Variants in LRP6 observed in about 807,000 individuals in gnomAD.
LRP6 encodes LDL receptor related protein 6, also known as low-density lipoprotein receptor-related protein 6.
A neutral mutation model predicts 184.1 loss-of-function variants in LRP6; 43 were observed. That is an observed-to-expected ratio of 0.23 (90% CI 0.18 to 0.30). The LOEUF (loss-of-function observed/expected upper bound fraction) is 0.30, where lower values mean the gene tolerates loss of function less well. Among genes scored for constraint, LRP6 ranks in the 10% least tolerant of loss-of-function variants. The pLI, the probability that LRP6 is intolerant of heterozygous loss-of-function variation, is 1.00. For missense variants in LRP6, 1,571 were observed against 2,005.3 expected (o/e 0.78, Z 4.14); for synonymous variants, 719 against 684.9 (o/e 1.05, Z -0.78).
intron 2 of LRP6, among the ~76,000 whole-genome samples, chr12:12,206,405 T>C (rs1378625256): frequency 6.6e-6 from 1 of 151,726 alleles, no homozygotes; most frequent in Non-Finnish European, 1.5e-5. Context: ...TAGCCAGGCG[T>C]GGTGGCAGAT....
chr12:12,142,448 T>C (rs1949947010), intron 15 of LRP6, among the ~76,000 whole-genome samples: 1 of 152,138 alleles, frequency 6.6e-6, no homozygotes, highest in Non-Finnish European at 1.5e-5. Flanking sequence ...AAACTAAGCA[T>C]GCACTGGATG....
At chr12:12,130,459 T>G (rs1295081502) in intron 19 of LRP6, among the ~76,000 whole-genome samples, 1 of 152,236 alleles carries the variant, frequency 6.6e-6, no homozygotes, top group Non-Finnish European at 1.5e-5. Context: ...GTGCTGGGAT[T>G]ACAGGTGTGA....
chr12:12,155,590 C>T, intron 12 of LRP6: 2 of 757,088 alleles, frequency 2.6e-6, no homozygotes, highest in Non-Finnish European at 2.4e-6. Context: ...AGGAAGCTAT[C>T]AGAAAATGGA....
intron 2 of LRP6, among the ~76,000 whole-genome samples, chr12:12,220,046 G>A (rs893222529): frequency 6.6e-6 from 1 of 152,170 alleles, no homozygotes; most frequent in Non-Finnish European, 1.5e-5. Flanking sequence ...CACCACTTTA[G>A]GAGGCTGAGG....
chr12:12,241,406 T>C (rs1289295487), intron 2 of LRP6, among the ~76,000 whole-genome samples: 1 of 152,234 alleles, frequency 6.6e-6, no homozygotes, highest in Non-Finnish European at 1.5e-5. Flanking sequence ...TCTAAGATCA[T>C]TAACACTGAA....
intron 2 of LRP6, among the ~76,000 whole-genome samples, chr12:12,209,836 T>C (rs1458665576): frequency 6.6e-6 from 1 of 152,118 alleles, no homozygotes; most frequent in Non-Finnish European, 1.5e-5. Flanking sequence ...ATTCGCAATG[T>C]AGACAAGGAG....
chr12:12,119,990 AATATATATATATATATATATATAT>A lies in LRP6; in HGVS notation c.*1112_*1135del, dbSNP rs550587604. 6.9e-3 allele frequency: 314 copies of A among 45,532 alleles called. 13 individuals are homozygous for A. The highest frequency in any genetic ancestry group is 0.031 in the South Asian group (30 of 982). The allele number at this position is 45,532 out of a possible 1,614,324, so 2.8% of individuals were successfully genotyped here. ...ACTCAGAAAACAAACAAACAAACAA[AATATATATATATATATATATATAT>A]ATATATATATATATATATATATATA... is the stretch of plus-strand genomic sequence containing the variant. On this transcript the variant is annotated 3_prime_UTR_variant, in exon 23 of 23. Transcript: ENST00000261349.
Position 12,244,633 on chromosome 12 carries a change from T to G in LRP6, c.78A>C (p.Ala26=). 1 of 1,614,088 alleles carries G rather than the reference T, an allele frequency of 6.2e-7. No individual in the cohort carries two copies. The highest frequency in any genetic ancestry group is 8.5e-7 in the Non-Finnish European group (1 of 1,180,020). The change falls in exon 2 of 23, where the codon GCA becomes GCC. Residue 26 remains alanine, a synonymous_variant. Coordinates refer to ENST00000261349, the MANE Select transcript of LRP6 (RefSeq NM_002336.3). The part of the protein sequence containing the change: ...LLRAAPLLLY[A]NRRDLRLVDA... ...CAACCAATCGCAAGTCCCGTCTGTT[T>G]GCATAAAGCAACAAAGGGGCCGCTA...
chr12:12,232,787 A>G (rs541872894), intron 2 of LRP6, among the ~76,000 whole-genome samples: 1 of 152,346 alleles, frequency 6.6e-6, no homozygotes, highest in South Asian at 2.1e-4. Context: ...AAAATAATCA[A>G]TAGATGAGTG....
intron 15 of LRP6, among the ~76,000 whole-genome samples, chr12:12,146,559 ATAATT>A (rs1462879609): frequency 6.6e-6 from 1 of 152,250 alleles, no homozygotes; most frequent in African/African-American, 2.4e-5. Context: ...AGACGAACAA[ATAATT>A]TAATTTGGTT....
intron 2 of LRP6, among the ~76,000 whole-genome samples, chr12:12,211,684 T>C (rs1864215169): frequency 6.6e-6 from 1 of 152,188 alleles, no homozygotes; most frequent in Non-Finnish European, 1.5e-5. Context: ...CTGGTTGCCC[T>C]GGAGAAAATA....
rs188529505 is a variant in LRP6 at position 12,166,800 on chromosome 12, T to G, written c.1546-1505A>C. On this transcript the variant is annotated intron_variant, in intron 7 of 22. Transcript: ENST00000261349. ...TAAACAAAAGATGGATGATTAAGTATGAATTAGGAAAATGAGGCTGGGTAT... is the reference window on the plus strand; with the variant it reads ...TAAACAAAAGATGGATGATTAAGTAGGAATTAGGAAAATGAGGCTGGGTAT... Among the ~76,000 whole-genome samples, 364 of 152,364 alleles carry G rather than the reference T, an allele frequency of 2.4e-3. 1 individual carries two copies. Among genetic ancestry groups the G allele is most frequent in the African/African-American group, 8.5e-3 (353 of 41,588 alleles).
chr12:12,239,667 C>CA (rs1865010874), intron 2 of LRP6, among the ~76,000 whole-genome samples: 1 of 143,824 alleles, frequency 7.0e-6, no homozygotes, highest in Non-Finnish European at 1.5e-5. Context: ...TATTCTTTTT[C>CA]TTTTTTTTTT....
At chr12:12,164,141 A>G (rs1252618362) in intron 9 of LRP6, 132 bp downstream of exon 9, 2 of 831,988 alleles carry the variant, frequency 2.4e-6, no homozygotes, top group South Asian at 3.4e-5. Flanking sequence ...AAAAAAAAAA[A>G]AAAACTTGAG....
chr12:12,153,257 G>A (rs1591891889), intron 12 of LRP6, among the ~76,000 whole-genome samples: 1 of 152,266 alleles, frequency 6.6e-6, no homozygotes. Flanking sequence ...GGGAGGCTGA[G>A]GCAGTAGGAT....
chr12:12,212,520 C>T (rs1056192995), intron 2 of LRP6, among the ~76,000 whole-genome samples: 1 of 152,142 alleles, frequency 6.6e-6, no homozygotes, highest in Non-Finnish European at 1.5e-5. Context: ...GCATCCCCAC[C>T]GCCCCCCTGC....
chr12:12,234,224 T>G (rs570140458), intron 2 of LRP6, among the ~76,000 whole-genome samples: 3 of 151,636 alleles, frequency 2.0e-5, no homozygotes, highest in African/African-American at 7.3e-5. Context: ...GAGGCGGAGG[T>G]TGCCGTGAGC....
In LRP6 at chr12:12,148,981, T is replaced by C. The variant is rs1033397324; in HGVS notation, c.3167A>G (p.Gln1056Arg). The C allele has an allele frequency of 6.2e-7, 1 of 1,613,898 alleles. No individual in the cohort carries two copies. The highest frequency in any genetic ancestry group is 8.5e-7 in the Non-Finnish European group (1 of 1,179,980). The change falls in exon 14 of 23, where the codon CAG becomes CGG. Residue 1056 changes from glutamine (Q) to arginine (R), a missense_variant. Physicochemically the swap from Gln to Arg is conservative, Grantham distance 43. Around this residue, in one of 4 missense-constraint regions of LRP6, gnomAD observed 763 missense variants for 859.5 expected, o/e 0.89. Coordinates refer to ENST00000261349, the MANE Select transcript of LRP6 (RefSeq NM_002336.3). Reference sequence around the variant, plus strand: ...TACCACAACGGCTCGAGGTCTGTCCTGCTCGCCTTTCAGCACCACTCCAAC... The same window carrying C: ...TACCACAACGGCTCGAGGTCTGTCCCGCTCGCCTTTCAGCACCACTCCAAC... ...RSVGVVLKGE[Q>R]DRPRAVVVNP... is the part of the protein sequence containing the mutation.
chr12:12,131,705 TAC>T, intron 18 of LRP6, 114 bp downstream of exon 18: 2 of 815,574 alleles, frequency 2.5e-6, no homozygotes. Flanking sequence ...TCAGAAGTGA[TAC>T]AGTCATATGT....
Sources: gnomAD v4.1 joint callset for allele counts (sites outside exome capture counted in the v4.1 genomes callset) on GRCh38, gnomAD v4.1.1 for gene constraint, gnomAD v4.1.1 regional missense constraint, MANE v1.5 for transcripts, NCBI Gene and HGNC (gene_info 2026-07-23, HGNC 2026-07-21) for gene names.